The following PRKCA variants were observed in gnomAD, a reference collection of about 807,000 sequenced individuals.
PRKCA encodes the protein protein kinase C alpha.
A neutral mutation model predicts 87.0 loss-of-function variants in PRKCA; 27 were observed. The observed-to-expected ratio is 0.31, with a 90% CI of 0.23 to 0.43. The LOEUF (loss-of-function observed/expected upper bound fraction) is 0.43, where lower values mean the gene tolerates loss of function less well. PRKCA is among the 20% of genes least tolerant of loss of function. PRKCA has a pLI of 1.00. For synonymous variants in PRKCA, 329 were observed against 311.1 expected, an observed-to-expected ratio of 1.06 and a Z score of -0.61; for missense variants, 518 against 852.3, an observed-to-expected ratio of 0.61 and a Z score of 4.88.
intron 3 of PRKCA, among the ~76,000 whole-genome samples, chr17:66,505,885 A>G (rs1916953350): frequency 6.6e-6 from 1 of 152,086 alleles, no homozygotes; most frequent in African/African-American, 2.4e-5. Flanking sequence ...TTTAGAGGTG[A>G]GACTTGCTAT....
intron 3 of PRKCA, among the ~76,000 whole-genome samples, chr17:66,514,385 C>T (rs987839593): frequency 1.3e-5 from 2 of 152,170 alleles, no homozygotes; most frequent in African/African-American, 2.4e-5. Flanking sequence ...AACTCTCCTT[C>T]GCCCAACAGT....
In PRKCA at chr17:66,788,848, A is replaced by G; in HGVS notation, c.1723A>G (p.Lys575Glu). Residue 575 changes from lysine (K) to glutamate (E), a missense_variant, in exon 16 of 17, where the codon AAA becomes GAA. Around this residue, in one of 5 missense-constraint regions of PRKCA, gnomAD observed 159 missense variants for 232.4 expected, o/e 0.68. Transcript: ENST00000413366. ...AVSVCKGLMTKHPAKRLGCGP... is the reference protein window; with the variant it reads ...AVSVCKGLMTEHPAKRLGCGP... ...TCCTTTTCCTTTCTAGCTGATGACCAAACACCCAGCCAAGCGGCTGGGCTG... is the reference window on the plus strand; with the variant it reads ...TCCTTTTCCTTTCTAGCTGATGACCGAACACCCAGCCAAGCGGCTGGGCTG... 6.2e-7 allele frequency: 1 copy of G among 1,612,504 alleles called. No homozygotes were observed. Among genetic ancestry groups the G allele is most frequent in the Non-Finnish European group, 8.5e-7 (1 of 1,179,636 alleles).
chr17:66,656,884 A>G (rs1971748224), intron 5 of PRKCA, among the ~76,000 whole-genome samples: 1 of 152,194 alleles, frequency 6.6e-6, no homozygotes, highest in African/African-American at 2.4e-5. Context: ...GTGCTGTCCT[A>G]TGGTCCTTTT....
At chr17:66,729,246 A>T (rs1039665752) in intron 8 of PRKCA, among the ~76,000 whole-genome samples, 5 of 151,576 alleles carry the variant, frequency 3.3e-5, no homozygotes, top group African/African-American at 7.3e-5. Flanking sequence ...TACTAAAAAT[A>T]AAAAAAAATT....
At chr17:66,772,919 A>C (rs760152991) in intron 13 of PRKCA, among the ~76,000 whole-genome samples, 1 of 152,118 alleles carries the variant, frequency 6.6e-6, no homozygotes, top group Non-Finnish European at 1.5e-5. Context: ...TTCACCCATA[A>C]ATACTTTATC....
At chr17:66,514,154 A>T (rs920094341) in intron 3 of PRKCA, among the ~76,000 whole-genome samples, 9 of 152,168 alleles carry the variant, frequency 5.9e-5, no homozygotes, top group Non-Finnish European at 1.2e-4. Flanking sequence ...AATCTTTAAC[A>T]TGGGTATGTA....
intron 14 of PRKCA, among the ~76,000 whole-genome samples, chr17:66,784,162 A>G (rs1204260387): frequency 6.6e-6 from 1 of 152,134 alleles, no homozygotes; most frequent in Non-Finnish European, 1.5e-5. Context: ...GCCAGGGCAC[A>G]TTTACATTGC....
At chr17:66,694,480 CAAAAAAAAAAAAA>C (rs57941055) in intron 8 of PRKCA, among the ~76,000 whole-genome samples, 7 of 35,214 alleles carry the variant, frequency 2.0e-4, no homozygotes, top group Non-Finnish European at 3.3e-4. Context: ...GACTCTGTCT[CAAAAAAAAAAAAA>C]AAAAAAAAAA....
At chr17:66,620,159 T>C (rs1414933809) in intron 3 of PRKCA, among the ~76,000 whole-genome samples, 2 of 152,230 alleles carry the variant, frequency 1.3e-5, no homozygotes, top group Non-Finnish European at 2.9e-5. Context: ...AAAGAAATTA[T>C]CCATGCCGCT....
chr17:66,741,821 T>C, intron 12 of PRKCA, 100 bp downstream of exon 12: 1 of 1,268,728 alleles, frequency 7.9e-7, no homozygotes, highest in South Asian at 1.3e-5. Context: ...ACAGAGTTGA[T>C]AACTCCCCAG....
At chr17:66,334,034 T>TGA (rs1429265951) in intron 2 of PRKCA, among the ~76,000 whole-genome samples, 2 of 152,166 alleles carry the variant, frequency 1.3e-5, no homozygotes, top group Non-Finnish European at 2.9e-5. Flanking sequence ...GTGGATCACC[T>TGA]GAGATCAGGA....
intron 5 of PRKCA, among the ~76,000 whole-genome samples, chr17:66,685,841 T>C (rs1972612788): frequency 6.6e-6 from 1 of 152,254 alleles, no homozygotes. Context: ...TAAACTATGC[T>C]AATTGCCTAG....
intron 2 of PRKCA, among the ~76,000 whole-genome samples, chr17:66,345,932 A>T (rs1907330337): frequency 6.6e-6 from 1 of 152,190 alleles, no homozygotes; most frequent in Admixed American, 6.5e-5. Context: ...AATTTCATTG[A>T]ACGAATACCT....
At chr17:66,439,730 A>G (rs1258151734) in intron 2 of PRKCA, among the ~76,000 whole-genome samples, 1 of 152,174 alleles carries the variant, frequency 6.6e-6, no homozygotes, top group Non-Finnish European at 1.5e-5. Context: ...AAAGGATACT[A>G]TAGGTCATGG....
intron 2 of PRKCA, among the ~76,000 whole-genome samples, chr17:66,315,421 C>T (rs760644963): frequency 2.0e-5 from 3 of 152,036 alleles, no homozygotes; most frequent in Admixed American, 6.6e-5. Flanking sequence ...GAAGTTTTGT[C>T]ACACTTAAAT....
intron 3 of PRKCA, among the ~76,000 whole-genome samples, chr17:66,543,351 A>G (rs772415490): frequency 4.6e-5 from 7 of 152,158 alleles, no homozygotes; most frequent in Non-Finnish European, 1.0e-4. Flanking sequence ...CCAAAACCCT[A>G]GTCATTTTAT....
intron 9 of PRKCA, among the ~76,000 whole-genome samples, chr17:66,733,140 C>T (rs1973944773): frequency 1.6e-5 from 2 of 127,968 alleles, no homozygotes; most frequent in African/African-American, 5.9e-5. Flanking sequence ...GACAGTGAGA[C>T]TCCGTCTCAA....
intron 3 of PRKCA, among the ~76,000 whole-genome samples, chr17:66,537,423 T>TA (rs772048203): frequency 6.6e-6 from 1 of 152,226 alleles, no homozygotes; most frequent in Non-Finnish European, 1.5e-5. Context: ...ACTGCATTGT[T>TA]AAACGCCAAG....
At chr17:66,741,514 G>C in intron 11 of PRKCA, 145 bp from the exon 12 acceptor site, 3 of 718,822 alleles carry the variant, frequency 4.2e-6, no homozygotes, top group Non-Finnish European at 6.9e-6. Flanking sequence ...AGGGAGGACC[G>C]GGGGTTGGAA....
Sources: allele counts gnomAD v4.1 joint callset (sites outside exome capture counted in the v4.1 genomes callset), GRCh38; gene constraint gnomAD v4.1.1; regional missense constraint gnomAD v4.1.1; transcripts MANE v1.5; gene names NCBI Gene and HGNC (gene_info 2026-07-23, HGNC 2026-07-21).